Variants in MEP1B observed in about 807,000 individuals in gnomAD.
MEP1B encodes meprin A subunit beta.
A neutral mutation model predicts 84.6 loss-of-function variants in MEP1B; 80 were observed. That is an observed-to-expected ratio of 0.95 (90% CI 0.79 to 1.14). The LOEUF (loss-of-function observed/expected upper bound fraction) is 1.14, where lower values mean the gene tolerates loss of function less well. MEP1B is among the 50% of genes most tolerant of loss of function. MEP1B has a pLI of 0.00. For synonymous variants in MEP1B, 273 were observed against 288.1 expected (o/e 0.95, Z 0.53); for missense variants, 766 against 855.1 (o/e 0.90, Z 1.30).
chr18:32,207,532 G>A lies in MEP1B; in HGVS notation c.766+62G>A, dbSNP rs79543499. The A allele has an allele frequency of 2.2e-4, 261 of 1,172,840 alleles. 1 individual carries two copies. In the South Asian group the frequency reaches 3.1e-3, roughly 14 times the overall value. 72.7% of individuals were successfully genotyped at this position (1,172,840 alleles called of 1,614,324 possible). ...CGCTGTTATGTAGGAAAAAATGATG[G>A]TCTGTGCCATTTTGTCAAGCATTGG... On this transcript the variant is annotated intron_variant, in intron 8 of 14. Coordinates refer to ENST00000269202, the MANE Select transcript of MEP1B (RefSeq NM_005925.3).
rs563026364 is a variant in MEP1B, at chr18:32,196,568, G to A, written c.250+1083G>A. On this transcript the variant is annotated intron_variant, in intron 5 of 14. Transcript: ENST00000269202. The surrounding 1 kb of genome is among the most constrained non-coding windows in gnomAD (Gnocchi z 4.4). ...TGGGCCCTTGGTACTTGGTGCTGAC[G>A]GCCAGCGCGTTGTCCAGGAAGCACA... The A allele has an allele frequency of 2.8e-5, 20 of 710,354 alleles. No homozygotes were observed. The highest frequency in any genetic ancestry group is 1.3e-4 in the East Asian group (5 of 38,296). 44.0% of individuals were successfully genotyped at this position (710,354 alleles called of 1,614,324 possible).
At position 32,213,456 on chromosome 18, in the gene MEP1B, T is replaced by C. The variant is rs774215156; in HGVS notation, c.1476T>C (p.Cys492=). 3 of 1,613,788 alleles carry C rather than the reference T, an allele frequency of 1.9e-6. No individual in the cohort carries two copies. Among genetic ancestry groups the C allele is most frequent in the Non-Finnish European group, 2.5e-6 (3 of 1,179,800 alleles). ...ATGATGATCAATTACAGTGGCCATG[T>C]CCTTGGCAACAAGCCACAATGACAC... ...GANDDQLQWP[C]PWQQATMTLL... The change falls in exon 11 of 15, where the codon TGT becomes TGC. Residue 492 remains cysteine, a synonymous_variant. Coordinates refer to ENST00000269202, the MANE Select transcript of MEP1B (RefSeq NM_005925.3).
intron 6 of MEP1B, 37 bp downstream of exon 6, chr18:32,203,047 A>C (rs933179607): frequency 2.5e-6 from 3 of 1,214,960 alleles, no homozygotes; most frequent in Non-Finnish European, 3.6e-6. Context: ...GCATCTAAGG[A>C]GAACTCTAGT....
At chr18:32,192,198 T>C (rs1339033089) in intron 2 of MEP1B, among the ~76,000 whole-genome samples, 1 of 152,074 alleles carries the variant, frequency 6.6e-6, no homozygotes, top group African/African-American at 2.4e-5. Flanking sequence ...TATATACACC[T>C]TTACAACTTA....
At chr18:32,205,410 A>C (rs1350657561) in intron 7 of MEP1B, among the ~76,000 whole-genome samples, 1 of 152,168 alleles carries the variant, frequency 6.6e-6, no homozygotes, top group African/African-American at 2.4e-5. Context: ...ATTATGTCTG[A>C]GGCACTGTGA....
At chr18:32,214,104 G>A (rs335516) in intron 11 of MEP1B, among the ~76,000 whole-genome samples, 81,764 of 151,948 alleles carry the variant, frequency 0.54, 23,407 homozygotes, top group East Asian at 0.88. Flanking sequence ...ATAATTCAGC[G>A]TTTGAAATGG....
At chr18:32,207,021 A>G (rs1028195248) in intron 7 of MEP1B, among the ~76,000 whole-genome samples, 2 of 152,182 alleles carry the variant, frequency 1.3e-5, no homozygotes, top group South Asian at 4.1e-4. Flanking sequence ...CTAAATGCCA[A>G]TGTCCTAACT....
chr18:32,201,525 G>C (rs8095362), intron 5 of MEP1B, among the ~76,000 whole-genome samples: 20,523 of 151,896 alleles, frequency 0.14, 2,312 homozygotes, highest in African/African-American at 0.31. Flanking sequence ...ATGATAAAAA[G>C]AATAATGATG....
intron 11 of MEP1B, 54 bp downstream of exon 11, chr18:32,213,613 C>T: frequency 7.2e-7 from 1 of 1,396,524 alleles, no homozygotes; most frequent in Non-Finnish European, 1.0e-6. Context: ...CTAGGAGGGA[C>T]TGATAATTTT....
chr18:32,208,331 T>A (rs991575060), intron 9 of MEP1B, 60 bp downstream of exon 9: 1 of 1,413,144 alleles, frequency 7.1e-7, no homozygotes, highest in African/African-American at 1.4e-5. Flanking sequence ...CATACTTCTC[T>A]ATGAAAGAAT....
chr18:32,204,124 C>T, intron 6 of MEP1B, 58 bp from the exon 7 acceptor site: 1 of 1,490,428 alleles, frequency 6.7e-7, no homozygotes, highest in East Asian at 2.4e-5. Context: ...GGCGATTCTG[C>T]CCTGAGACCT....
chr18:32,203,244 G>A (rs1210423517), intron 6 of MEP1B: 1 of 397,450 alleles, frequency 2.5e-6, no homozygotes, highest in Non-Finnish European at 4.5e-6. Context: ...CATGCCATCA[G>A]ACCCACAACC....
chr18:32,192,742 T>C (rs1271451077), intron 3 of MEP1B, 32 bp from the exon 4 acceptor site: 3 of 1,612,436 alleles, frequency 1.9e-6, no homozygotes, highest in Admixed American at 1.7e-5. Context: ...TGAATCCAAT[T>C]TGCTAACATG....
intron 6 of MEP1B, among the ~76,000 whole-genome samples, chr18:32,203,920 T>C (rs1267180520): frequency 2.6e-5 from 4 of 152,094 alleles, no homozygotes; most frequent in Non-Finnish European, 5.9e-5. Context: ...CACCAAGCCA[T>C]GTGTGGTTCG....
chr18:32,201,881 T>C (rs550911863), intron 5 of MEP1B, among the ~76,000 whole-genome samples: 1 of 152,342 alleles, frequency 6.6e-6, no homozygotes, highest in Non-Finnish European at 1.5e-5. Context: ...CAAGTAATCT[T>C]CCTTGAATGT....
intron 5 of MEP1B, among the ~76,000 whole-genome samples, chr18:32,199,719 T>C (rs1007082626): frequency 1.6e-5 from 2 of 126,600 alleles, no homozygotes; most frequent in Admixed American, 7.8e-5. Context: ...TTCTTTCTTT[T>C]TTGAGACGAG....
chr18:32,207,264 A>G lies in MEP1B; in HGVS notation c.560A>G (p.Asn187Ser). Reference protein sequence around the residue: ...WDRILSGREHNFNTYSDDISD... With the variant: ...WDRILSGREHSFNTYSDDISD... ...ATTTATCCTTTAGGCAGAGAGCACA[A>G]TTTTAACACCTATAGTGACGATATA... The change falls in exon 8 of 15, where the codon AAT (asparagine) becomes AGT (serine). Residue 187 changes from asparagine to serine, a missense_variant. Transcript: ENST00000269202. The G allele has an allele frequency of 6.2e-7, 1 of 1,608,312 alleles. No homozygotes were observed. The highest frequency in any genetic ancestry group is 1.1e-5 in the South Asian group (1 of 90,614).
In MEP1B at chr18:32,213,543, C is replaced by A. The variant is rs1167028705; in HGVS notation, c.1563C>A (p.Asp521Glu). ...RMSNQRSITT[D>E]PFMTTDNGNY... ...CCAATCAGCGGAGTATAACTACAGA[C>A]CCATTTATGACCACCGGTTCGTAAC... Residue 521 changes from aspartate (D) to glutamate (E), a missense_variant, in exon 11 of 15, where the codon GAC (aspartate) becomes GAA (glutamate). By Grantham distance (45) the Asp-to-Glu change is conservative. Coordinates refer to ENST00000269202, the MANE Select transcript of MEP1B (RefSeq NM_005925.3). 1.9e-6 allele frequency: 3 copies of A among 1,611,302 alleles called. No individual in the cohort carries two copies. In the African/African-American group the frequency reaches 4.0e-5, roughly 22 times the overall value.
Position 32,213,705 on chromosome 18 carries a change from C to T in MEP1B, c.1579+146C>T, listed in dbSNP as rs938967562. Reference sequence around the variant, plus strand: ...GAACAGATATTTAGGGGAAAGGTTTCAAGAATTGTGGACTGAGTCTGTCAG... The same window carrying T: ...GAACAGATATTTAGGGGAAAGGTTTTAAGAATTGTGGACTGAGTCTGTCAG... On this transcript the variant is annotated intron_variant, in intron 11 of 14. Transcript: ENST00000269202. The T allele has an allele frequency of 2.5e-5, 16 of 646,358 alleles. No individual in the cohort carries two copies. In the African/African-American group the frequency reaches 2.9e-4, roughly 12 times the overall value. 40.0% of individuals were successfully genotyped at this position (646,358 alleles called of 1,614,324 possible). A position where few individuals can be genotyped will look rare whatever the true frequency, so the allele number is the denominator to read the frequency against.
Sources: gnomAD v4.1 joint callset for allele counts (sites outside exome capture counted in the v4.1 genomes callset) on GRCh38, gnomAD v4.1.1 for gene constraint, Gnocchi (gnomAD v3.1) non-coding constraint, MANE v1.5 for transcripts, NCBI Gene and HGNC (gene_info 2026-07-23, HGNC 2026-07-21) for gene names.